The following NCK1 variants were observed in gnomAD, a reference collection of about 807,000 sequenced individuals.
NCK1 encodes SH2/SH3 adapter protein NCK1.
In NCK1, 19 loss-of-function variants were observed where a neutral mutation model predicts 36.6. That is an observed-to-expected ratio of 0.52 (90% CI 0.36 to 0.76). The LOEUF (loss-of-function observed/expected upper bound fraction) is 0.76. Ranked by LOEUF, NCK1 falls within the 30% of genes least tolerant of loss-of-function variation. The pLI is 0.00. For missense variants in NCK1, 358 were observed against 445.6 expected, an observed-to-expected ratio of 0.80 and a Z score of 1.77; for synonymous variants, 165 against 156.0, an observed-to-expected ratio of 1.06 and a Z score of -0.43.
chr3:136,916,841 A>G (rs1347937740), intron 1 of NCK1, among the ~76,000 whole-genome samples: 2 of 152,174 alleles, frequency 1.3e-5, no homozygotes, highest in African/African-American at 4.8e-5. Flanking sequence ...TATTTTGTAG[A>G]TAAGGAAATG....
chr3:136,919,485 G>T (rs367746177), intron 1 of NCK1, among the ~76,000 whole-genome samples: 2 of 152,076 alleles, frequency 1.3e-5, no homozygotes, highest in African/African-American at 4.8e-5. Context: ...GGAATCTCTA[G>T]TGAAAAGGGA....
chr3:136,907,305 G>T (rs1369490392), intron 1 of NCK1, among the ~76,000 whole-genome samples: 1 of 152,158 alleles, frequency 6.6e-6, no homozygotes, highest in Non-Finnish European at 1.5e-5. Context: ...GGTCTCCAGG[G>T]ATGTGGAGAT....
intron 1 of NCK1, among the ~76,000 whole-genome samples, chr3:136,923,752 T>C (rs1388547957): frequency 1.3e-5 from 2 of 152,194 alleles, no homozygotes; most frequent in East Asian, 1.9e-4. Context: ...ATGTTTGATA[T>C]TTAAACATCT....
chr3:136,871,560 C>T (rs937504683), intron 1 of NCK1, among the ~76,000 whole-genome samples: 20 of 152,100 alleles, frequency 1.3e-4, no homozygotes, highest in South Asian at 1.0e-3. Context: ...GGCTCTCTTG[C>T]GCCCCCTCCA....
chr3:136,896,296 T>A (rs1029588221), intron 1 of NCK1, among the ~76,000 whole-genome samples: 1 of 152,320 alleles, frequency 6.6e-6, no homozygotes, highest in East Asian at 1.9e-4. Flanking sequence ...CTACCACCCA[T>A]GTACCCTTCT....
intron 1 of NCK1, among the ~76,000 whole-genome samples, chr3:136,920,875 C>T (rs766914546): frequency 1.3e-5 from 2 of 151,994 alleles, no homozygotes; most frequent in Non-Finnish European, 2.9e-5. Flanking sequence ...CATAAATGGC[C>T]TTATAGTTGA....
At chr3:136,878,613 G>T (rs896203106) in intron 1 of NCK1, among the ~76,000 whole-genome samples, 2 of 152,074 alleles carry the variant, frequency 1.3e-5, no homozygotes. Context: ...ATTCATTGTG[G>T]TAATAGTTGC....
At chr3:136,863,512 A>G (rs1938310158) in intron 1 of NCK1, among the ~76,000 whole-genome samples, 2 of 152,194 alleles carry the variant, frequency 1.3e-5, no homozygotes, top group African/African-American at 4.8e-5. Context: ...TGATATTCTT[A>G]AATAGGCATC....
In NCK1 at chr3:136,950,503, G is replaced by A. The variant is rs1383707311; in HGVS notation, c.*2050G>A. On this transcript the variant is annotated 3_prime_UTR_variant, in exon 4 of 4. Transcript: ENST00000481752. ...GCTCTTACTATGGTATAAAAACCTC[G>A]CTGGAAGCTACTTATTTTGTACTTA... is the stretch of plus-strand genomic sequence containing the variant. 1.3e-5 allele frequency among the ~76,000 whole-genome samples: 2 copies of A among 152,050 alleles called. No homozygotes were observed. The highest frequency in any genetic ancestry group is 6.6e-5 in the Admixed American group (1 of 15,258).
chr3:136,874,607 C>T (rs1938714310), intron 1 of NCK1, among the ~76,000 whole-genome samples: 1 of 152,156 alleles, frequency 6.6e-6, no homozygotes, highest in Non-Finnish European at 1.5e-5. Flanking sequence ...ATGGCTGATA[C>T]ATAGTAGTTT....
chr3:136,907,457 C>T (rs1005258899), intron 1 of NCK1, among the ~76,000 whole-genome samples: 7 of 152,140 alleles, frequency 4.6e-5, no homozygotes, highest in African/African-American at 1.7e-4. Context: ...TTTCTAGGCA[C>T]CTCTTTATGT....
intron 1 of NCK1, among the ~76,000 whole-genome samples, chr3:136,918,277 C>T (rs1027302168): frequency 6.6e-6 from 1 of 151,952 alleles, no homozygotes; most frequent in African/African-American, 2.4e-5. Context: ...AAGATACAGT[C>T]AGCCCTCCAC....
intron 2 of NCK1, among the ~76,000 whole-genome samples, chr3:136,938,862 A>G (rs531365096): frequency 6.6e-6 from 1 of 152,354 alleles, no homozygotes; most frequent in Admixed American, 6.5e-5. Flanking sequence ...TGGTAACTTT[A>G]TAGAACATAA....
At chr3:136,918,430 A>G (rs544085053) in intron 1 of NCK1, among the ~76,000 whole-genome samples, 2 of 152,358 alleles carry the variant, frequency 1.3e-5, no homozygotes, top group African/African-American at 4.8e-5. Flanking sequence ...AGGTATTACA[A>G]GTAATCTAGA....
chr3:136,884,850 A>G (rs892121554), intron 1 of NCK1, among the ~76,000 whole-genome samples: 7 of 151,588 alleles, frequency 4.6e-5, no homozygotes, highest in Admixed American at 2.6e-4. Flanking sequence ...CCTCCCAAGT[A>G]GCTGGGATTA....
chr3:136,890,778 C>T lies in NCK1; in HGVS notation c.-19+28425C>T, dbSNP rs562246017. Among the ~76,000 whole-genome samples, 10 of 152,158 alleles carry T rather than the reference C, an allele frequency of 6.6e-5. No homozygotes were observed. In the South Asian group the frequency reaches 2.1e-3, roughly 32 times the overall value. Reference sequence around the variant, plus strand: ...ACCATTTTAACCATTTTTAAGTGTACAGTGATAAGTATATTCACATTGTTA... The same window carrying T: ...ACCATTTTAACCATTTTTAAGTGTATAGTGATAAGTATATTCACATTGTTA... On this transcript the variant is annotated intron_variant, in intron 1 of 3. Coordinates refer to ENST00000481752, the MANE Select transcript of NCK1 (RefSeq NM_001291999.2).
intron 1 of NCK1, among the ~76,000 whole-genome samples, chr3:136,904,487 C>T (rs911846014): frequency 3.9e-5 from 6 of 152,182 alleles, no homozygotes; most frequent in South Asian, 2.1e-4. Context: ...ATTTCATTCT[C>T]TACTGGCCTA....
At chr3:136,892,715 G>A (rs888562556) in intron 1 of NCK1, among the ~76,000 whole-genome samples, 2 of 152,044 alleles carry the variant, frequency 1.3e-5, no homozygotes, top group Non-Finnish European at 2.9e-5. Context: ...TCACAAATTT[G>A]TGTTGTTTTA....
At chr3:136,944,145 A>T (rs1414210144) in intron 2 of NCK1, among the ~76,000 whole-genome samples, 1 of 77,234 alleles carries the variant, frequency 1.3e-5, no homozygotes, top group Non-Finnish European at 2.3e-5. Context: ...TTTGAGACAG[A>T]GTCTTGCCCT....
Sources: gnomAD v4.1 joint callset for allele counts (sites outside exome capture counted in the v4.1 genomes callset) on GRCh38, gnomAD v4.1.1 for gene constraint, MANE v1.5 for transcripts, NCBI Gene and HGNC (gene_info 2026-07-23, HGNC 2026-07-21) for gene names.